Variants in METTL15 observed in about 807,000 individuals in gnomAD.
The protein encoded by METTL15 is methyltransferase 15, mitochondrial 12S rRNA N4-cytidine, also known as 12S rRNA N(4)-cytidine methyltransferase METTL15.
Under a neutral mutation model 38.3 loss-of-function variants are expected in METTL15, and 34 were observed. The ratio of observed to expected loss-of-function variants is 0.89; its 90% CI spans 0.68 to 1.18. The LOEUF is 1.18. Ranked by LOEUF, METTL15 falls within the 50% of genes most tolerant of loss-of-function variation. The pLI, the probability that METTL15 is intolerant of heterozygous loss-of-function variation, is 0.00. For missense variants in METTL15, 438 were observed against 498.4 expected (o/e 0.88, Z 1.15); for synonymous variants, 162 against 170.9 (o/e 0.95, Z 0.41).
chr11:28,374,802 T>G (rs1374212923), intron 5 of METTL15, among the ~76,000 whole-genome samples: 2 of 150,842 alleles, frequency 1.3e-5, no homozygotes, highest in Non-Finnish European at 3.0e-5. Flanking sequence ...GGCTGTGGGT[T>G]TGTCATAGAT....
At chr11:28,310,145 A>G (rs529610560) in intron 6 of METTL15, among the ~76,000 whole-genome samples, 3 of 152,292 alleles carry the variant, frequency 2.0e-5, no homozygotes, top group South Asian at 2.1e-4. Flanking sequence ...TGTAAATTAA[A>G]TACTTCTCTC....
chr11:28,328,169 A>G (rs113828279), intron 6 of METTL15: 222 of 1,609,600 alleles, frequency 1.4e-4, no homozygotes, highest in Non-Finnish European at 1.8e-4. Flanking sequence ...GCAAATGGTA[A>G]GAAGCTGGCC....
chr11:28,139,520 C>T (rs561441689), intron 3 of METTL15, among the ~76,000 whole-genome samples: 15 of 152,158 alleles, frequency 9.9e-5, no homozygotes, highest in South Asian at 4.2e-4. Flanking sequence ...GGGAATTATC[C>T]GCATTTACCC....
intron 3 of METTL15, among the ~76,000 whole-genome samples, chr11:28,176,386 G>A (rs1255967959): frequency 2.6e-5 from 4 of 152,054 alleles, no homozygotes; most frequent in Admixed American, 6.6e-5. Flanking sequence ...GTCATTAAAA[G>A]CCTGACTCTG....
At chr11:28,530,846 A>G (rs953392709), downstream of METTL15, among the ~76,000 whole-genome samples, 9 of 152,072 alleles carry the variant, frequency 5.9e-5, no homozygotes, top group Non-Finnish European at 1.2e-4. Flanking sequence ...AATACAGTCT[A>G]TCTACAATGT....
At chr11:28,170,366 T>A (rs1446160084) in intron 3 of METTL15, among the ~76,000 whole-genome samples, 1 of 152,066 alleles carries the variant, frequency 6.6e-6, no homozygotes, top group Non-Finnish European at 1.5e-5. Flanking sequence ...GGTGAAGCTG[T>A]TAGCGGAAAG....
chr11:28,363,767 T>A (rs1850161758), intron 5 of METTL15, among the ~76,000 whole-genome samples: 1 of 152,208 alleles, frequency 6.6e-6, no homozygotes, highest in Non-Finnish European at 1.5e-5. Flanking sequence ...AAAGCCAATG[T>A]CAAGAAGTAT....
chr11:28,374,234 G>C (rs1850280180), intron 5 of METTL15, among the ~76,000 whole-genome samples: 1 of 152,052 alleles, frequency 6.6e-6, no homozygotes, highest in South Asian at 2.1e-4. Context: ...GGATGGCATT[G>C]AATCTGTAAA....
intron 3 of METTL15, among the ~76,000 whole-genome samples, chr11:28,174,384 G>A (rs976223032): frequency 1.2e-4 from 18 of 151,924 alleles, no homozygotes; most frequent in African/African-American, 2.2e-4. Flanking sequence ...ATCTAATACC[G>A]CATTGTTTTA....
At chr11:28,447,310 T>A (rs555403776) in intron 6 of METTL15, among the ~76,000 whole-genome samples, 1 of 152,216 alleles carries the variant, frequency 6.6e-6, no homozygotes, top group South Asian at 2.1e-4. Flanking sequence ...AGACCAGGCA[T>A]GCAGAAATAT....
intron 4 of METTL15, among the ~76,000 whole-genome samples, chr11:28,356,624 C>A (rs1331170323): frequency 6.6e-6 from 1 of 152,072 alleles, no homozygotes; most frequent in African/African-American, 2.4e-5. Context: ...ATTCTCTGAC[C>A]CCAAAGGTGA....
intron 6 of METTL15, among the ~76,000 whole-genome samples, chr11:28,461,474 C>T (rs535592840): frequency 6.6e-6 from 1 of 151,868 alleles, no homozygotes; most frequent in East Asian, 1.9e-4. Context: ...TTTCTTCTTC[C>T]ACATGGTCTC....
At chr11:28,469,555 T>C (rs1851286160) in intron 6 of METTL15, among the ~76,000 whole-genome samples, 1 of 152,158 alleles carries the variant, frequency 6.6e-6, no homozygotes, top group Non-Finnish European at 1.5e-5. Context: ...GAATACTGGT[T>C]GTGTGCCCTT....
At chr11:28,266,591 T>C (rs1855428085) in intron 4 of METTL15, among the ~76,000 whole-genome samples, 3 of 152,326 alleles carry the variant, frequency 2.0e-5, no homozygotes, top group South Asian at 4.1e-4. Context: ...CCTTGATTTC[T>C]CTTTTTTTCT....
chr11:28,215,441 TGAGGA>T, intron 4 of METTL15, among the ~76,000 whole-genome samples: 1 of 151,940 alleles, frequency 6.6e-6, no homozygotes, highest in East Asian at 1.9e-4. Flanking sequence ...GGCTCGCCTC[TGAGGA>T]GAATGAGAGA....
intron 5 of METTL15, among the ~76,000 whole-genome samples, chr11:28,403,452 C>T (rs930130307): frequency 6.6e-6 from 1 of 152,018 alleles, no homozygotes; most frequent in African/African-American, 2.4e-5. Flanking sequence ...ATTTTGTCAT[C>T]ATCAGTATCA....
intron 4 of METTL15, among the ~76,000 whole-genome samples, chr11:28,220,596 C>T (rs967710257): frequency 6.6e-6 from 1 of 152,020 alleles, no homozygotes; most frequent in Non-Finnish European, 1.5e-5. Flanking sequence ...GAATTTGATC[C>T]CGTCATTATG....
intron 3 of METTL15, among the ~76,000 whole-genome samples, chr11:28,117,051 C>G (rs935088734): frequency 3.3e-5 from 5 of 152,146 alleles, no homozygotes; most frequent in Admixed American, 2.6e-4. Flanking sequence ...TTGGATAAAA[C>G]TTCTTGTTGA....
At chr11:28,239,074 C>T (rs1001742630) in intron 4 of METTL15, among the ~76,000 whole-genome samples, 4 of 152,094 alleles carry the variant, frequency 2.6e-5, no homozygotes, top group African/African-American at 9.6e-5. Context: ...TCTATTTACA[C>T]TCATTCCCTC....
Sources: allele counts gnomAD v4.1 joint callset (sites outside exome capture counted in the v4.1 genomes callset), GRCh38; gene constraint gnomAD v4.1.1; transcripts MANE v1.5; gene names NCBI Gene and HGNC (gene_info 2026-07-23, HGNC 2026-07-21).